The following VTI1A variants were observed in gnomAD, a reference collection of about 807,000 sequenced individuals.
VTI1A encodes vesicle transport through interaction with t-SNAREs 1A.
Under a neutral mutation model 34.9 loss-of-function variants are expected in VTI1A, and 22 were observed. The observed-to-expected ratio is 0.63, with a 90% CI of 0.45 to 0.90. The LOEUF (loss-of-function observed/expected upper bound fraction) is 0.90. Ranked by LOEUF, VTI1A falls within the 40% of genes least tolerant of loss-of-function variation. VTI1A has a pLI of 0.00. For missense variants in VTI1A, 268 were observed against 275.6 expected (o/e 0.97, Z 0.20); for synonymous variants, 87 against 97.3 (o/e 0.89, Z 0.62).
At chr10:112,735,566 C>T (rs1850421922) in intron 7 of VTI1A, among the ~76,000 whole-genome samples, 1 of 152,202 alleles carries the variant, frequency 6.6e-6, no homozygotes, top group African/African-American at 2.4e-5. Flanking sequence ...TTTCCTTACA[C>T]CAGCCATCCA....
chr10:112,721,363 G>C (rs1849802424), intron 7 of VTI1A, among the ~76,000 whole-genome samples: 1 of 152,144 alleles, frequency 6.6e-6, no homozygotes, highest in Non-Finnish European at 1.5e-5. Flanking sequence ...TAGAATATAT[G>C]GTTCTGTGGA....
chr10:112,794,032 A>C (rs1007413840), intron 7 of VTI1A, among the ~76,000 whole-genome samples: 9 of 152,198 alleles, frequency 5.9e-5, no homozygotes, highest in African/African-American at 2.2e-4. Context: ...TGTATTCCAC[A>C]TAAACTTTTA....
chr10:112,504,153 G>T (rs1460458669), intron 3 of VTI1A, among the ~76,000 whole-genome samples: 1 of 152,084 alleles, frequency 6.6e-6, no homozygotes, highest in African/African-American at 2.4e-5. Context: ...TGCTAGAGGT[G>T]GTTCTGCCAG....
chr10:112,451,187 G>C (rs1847224465), intron 1 of VTI1A, among the ~76,000 whole-genome samples: 1 of 152,150 alleles, frequency 6.6e-6, no homozygotes, highest in Non-Finnish European at 1.5e-5. Context: ...TGCAGTCATG[G>C]ACAATTGCTT....
intron 7 of VTI1A, among the ~76,000 whole-genome samples, chr10:112,717,564 T>C (rs950379918): frequency 6.6e-6 from 1 of 152,162 alleles, no homozygotes; most frequent in African/African-American, 2.4e-5. Flanking sequence ...CCCTTCCATG[T>C]GGTCTCCCTG....
chr10:112,811,579 G>A (rs1411104155), intron 7 of VTI1A, among the ~76,000 whole-genome samples: 1 of 151,808 alleles, frequency 6.6e-6, no homozygotes, highest in Non-Finnish European at 1.5e-5. Context: ...AGCTACTCGG[G>A]AGGCTGAGGC....
chr10:112,619,479 A>G (rs973573637), intron 5 of VTI1A, among the ~76,000 whole-genome samples: 21 of 152,186 alleles, frequency 1.4e-4, no homozygotes, highest in African/African-American at 3.1e-4. Context: ...TGATACTCCA[A>G]CAGCTCCTCT....
In VTI1A at chr10:112,762,680, CCAATTTCT is replaced by C. The variant is rs200878667; in HGVS notation, c.561-52607_561-52600del. The stretch of plus-strand genomic sequence containing the variant: ...ATATGCAGTCATTAGCGTCAGTATT[CCAATTTCT>C]CATTAATATCTACCCGGAAGAGAGT... On this transcript the variant is annotated intron_variant, in intron 7 of 7. Coordinates refer to ENST00000393077, the MANE Select transcript of VTI1A (RefSeq NM_145206.4). 4.6e-5 allele frequency among the ~76,000 whole-genome samples: 7 copies of C among 152,278 alleles called. No homozygotes were observed. The East Asian group carries it at 1.4e-3, about 29-fold the overall frequency.
chr10:112,606,666 G>C (rs183114106), intron 5 of VTI1A, among the ~76,000 whole-genome samples: 1 of 152,230 alleles, frequency 6.6e-6, no homozygotes, highest in African/African-American at 2.4e-5. Flanking sequence ...TAGGACCATA[G>C]CTCAGCTGCC....
chr10:112,734,938 A>C (rs1850401382), intron 7 of VTI1A, among the ~76,000 whole-genome samples: 2 of 152,040 alleles, frequency 1.3e-5, no homozygotes, highest in Non-Finnish European at 2.9e-5. Context: ...AGCCCTCAAT[A>C]AATATTTTGT....
At position 112,699,230 on chromosome 10, in the gene VTI1A, G is replaced by T. The variant is rs114957880; in HGVS notation, c.560+30232G>T. 5.8e-3 allele frequency among the ~76,000 whole-genome samples: 890 copies of T among 152,314 alleles called. 11 individuals are homozygous for T. The highest frequency in any genetic ancestry group is 0.02 in the African/African-American group (845 of 41,572). On this transcript the variant is annotated intron_variant, in intron 7 of 7. Coordinates refer to ENST00000393077, the MANE Select transcript of VTI1A (RefSeq NM_145206.4). ...ACTCTACCTAGACCTGTCATTGGTG[G>T]TATCTTAGCTCAGGCTGCTATAACA...
Position 112,816,533 on chromosome 10 carries a change from AT to A in VTI1A, c.*1157del. Reference sequence around the variant, plus strand: ...ATTCAAACTTCTAATATGCTTTGTGATTTTTTTCTTTCATTTCTTTCTGTCT... The same window carrying A: ...ATTCAAACTTCTAATATGCTTTGTGATTTTTTCTTTCATTTCTTTCTGTCT... On this transcript the variant is annotated 3_prime_UTR_variant, in exon 8 of 8. Coordinates refer to ENST00000393077, the MANE Select transcript of VTI1A (RefSeq NM_145206.4). 2 of 223,912 alleles carry A rather than the reference AT, an allele frequency of 8.9e-6. No homozygotes were observed. The highest frequency in any genetic ancestry group is 6.5e-5 in the East Asian group (1 of 15,362). 13.9% of individuals were successfully genotyped at this position (223,912 alleles called of 1,614,324 possible).
chr10:112,506,952 TG>T (rs1041939672), intron 3 of VTI1A, among the ~76,000 whole-genome samples: 9 of 149,388 alleles, frequency 6.0e-5, no homozygotes, highest in East Asian at 2.1e-4. Flanking sequence ...TTTTTATGGG[TG>T]TTTTTTTTTT....
At chr10:112,572,567 G>A (rs758408785) in intron 5 of VTI1A, among the ~76,000 whole-genome samples, 1 of 152,284 alleles carries the variant, frequency 6.6e-6, no homozygotes, top group East Asian at 1.9e-4. Context: ...GGTCAGGCAT[G>A]GTGGCTCACG....
chr10:112,720,226 T>G (rs1222653030), intron 7 of VTI1A, among the ~76,000 whole-genome samples: 1 of 152,236 alleles, frequency 6.6e-6, no homozygotes, highest in Non-Finnish European at 1.5e-5. Flanking sequence ...TGCTGCCTAC[T>G]TAGGAGTAGA....
intron 5 of VTI1A, among the ~76,000 whole-genome samples, chr10:112,550,380 A>G (rs1851304165): frequency 7.1e-6 from 1 of 140,986 alleles, no homozygotes; most frequent in African/African-American, 2.6e-5. Context: ...GTGTTTATGT[A>G]TTTAACAGAA....
chr10:112,537,058 C>T (rs79054189), intron 4 of VTI1A, among the ~76,000 whole-genome samples: 204 of 151,790 alleles, frequency 1.3e-3, no homozygotes, highest in Middle Eastern at 3.4e-3. Flanking sequence ...TCGTTTCGCT[C>T]GACAGCCACT....
chr10:112,778,440 C>A (rs113303456), intron 7 of VTI1A, among the ~76,000 whole-genome samples: 2,923 of 152,284 alleles, frequency 0.019, 102 homozygotes, highest in African/African-American at 0.066. Flanking sequence ...CGATTACCCA[C>A]AAATAACCAC....
chr10:112,819,013 A>G (rs1853600560), downstream of VTI1A, among the ~76,000 whole-genome samples: 1 of 152,206 alleles, frequency 6.6e-6, no homozygotes, highest in Admixed American at 6.5e-5. Flanking sequence ...GTACAGGCAC[A>G]CTTTAATATT....
Sources: allele counts gnomAD v4.1 joint callset (sites outside exome capture counted in the v4.1 genomes callset), GRCh38; gene constraint gnomAD v4.1.1; transcripts MANE v1.5; gene names NCBI Gene and HGNC (gene_info 2026-07-23, HGNC 2026-07-21).